NALF1: variants seen among roughly 807,000 people sequenced by gnomAD.
NALF1 encodes family with sequence similarity 155 member A.
In NALF1, 3 loss-of-function variants were observed where a neutral mutation model predicts 48.4. The observed-to-expected ratio is 0.06, with a 90% CI of 0.03 to 0.16. The LOEUF is 0.16. Among genes scored for constraint, NALF1 ranks in the 10% least tolerant of loss-of-function variants. NALF1 has a pLI of 1.00. For missense variants in NALF1, 526 were observed against 571.5 expected (o/e 0.92, Z 0.81); for synonymous variants, 262 against 245.7 (o/e 1.07, Z -0.62).
chr13:107,482,282 G>A (rs1885265706), intron 1 of NALF1, among the ~76,000 whole-genome samples: 1 of 152,042 alleles, frequency 6.6e-6, no homozygotes, highest in Non-Finnish European at 1.5e-5. Flanking sequence ...TGCAGATTGA[G>A]GACTTGCCCA....
chr13:107,754,926 G>GTT (rs1262676992), intron 1 of NALF1, among the ~76,000 whole-genome samples: 1 of 152,044 alleles, frequency 6.6e-6, no homozygotes, highest in East Asian at 1.9e-4. Flanking sequence ...TTCTTTTCAT[G>GTT]TTTTCCTCGA....
chr13:107,399,462 A>ACACG (rs1051956828), intron 1 of NALF1, among the ~76,000 whole-genome samples: 99 of 152,066 alleles, frequency 6.5e-4, no homozygotes, highest in African/African-American at 2.2e-3. Context: ...ACGTACACAC[A>ACACG]CACACAGCAT....
At chr13:107,529,962 T>A (rs1876572305) in intron 1 of NALF1, among the ~76,000 whole-genome samples, 1 of 152,068 alleles carries the variant, frequency 6.6e-6, no homozygotes, top group Admixed American at 6.6e-5. Context: ...TAAACTGCTA[T>A]TCTCAGCTTT....
At chr13:107,329,342 T>G (rs9520389) in intron 1 of NALF1, among the ~76,000 whole-genome samples, 54,908 of 151,928 alleles carry the variant, frequency 0.36, 10,097 homozygotes, top group Non-Finnish European at 0.4. Flanking sequence ...ATAACAAATG[T>G]TGTGAAAGGA....
chr13:107,614,137 A>G (rs1446350153), intron 1 of NALF1, among the ~76,000 whole-genome samples: 1 of 152,224 alleles, frequency 6.6e-6, no homozygotes, highest in Non-Finnish European at 1.5e-5. Flanking sequence ...GAGTATGGGC[A>G]TAGGGATGAG....
At chr13:107,365,539 T>C (rs988842510) in intron 1 of NALF1, among the ~76,000 whole-genome samples, 18 of 152,290 alleles carry the variant, frequency 1.2e-4, no homozygotes, top group African/African-American at 4.1e-4. Flanking sequence ...GAACAACACA[T>C]GTATGGATAT....
chr13:107,306,352 G>C (rs1473923089), intron 1 of NALF1, among the ~76,000 whole-genome samples: 1 of 152,134 alleles, frequency 6.6e-6, no homozygotes, highest in Non-Finnish European at 1.5e-5. Flanking sequence ...GGATTGTATA[G>C]CAACAGTCAA....
At chr13:107,855,432 T>C (rs1880420334) in intron 1 of NALF1, among the ~76,000 whole-genome samples, 1 of 152,246 alleles carries the variant, frequency 6.6e-6, no homozygotes, top group Non-Finnish European at 1.5e-5. Flanking sequence ...ACAATTCTTC[T>C]TCCAATGTGG....
At chr13:107,373,540 A>G (rs4338650) in intron 1 of NALF1, among the ~76,000 whole-genome samples, 85,640 of 151,568 alleles carry the variant, frequency 0.57, 24,817 homozygotes, top group East Asian at 0.74. Flanking sequence ...GGTGGAGCCC[A>G]AAAGGGGCCA....
At position 107,290,325 on chromosome 13, in the gene NALF1, GA is replaced by G. The variant is rs1174033754; in HGVS notation, c.916-79571del. On this transcript the variant is annotated intron_variant, in intron 1 of 2. Coordinates refer to ENST00000375915, the MANE Select transcript of NALF1 (RefSeq NM_001080396.3). ...CCTTCCAAAATAGGAATAAAGGGAG[GA>G]AAAAAGATGTCGATACGGTTTGGCT... Among the ~76,000 whole-genome samples, 3 of 152,012 alleles carry G rather than the reference GA, an allele frequency of 2.0e-5. No individual in the cohort carries two copies. The South Asian group carries it at 6.2e-4, about 31-fold the overall frequency.
chr13:107,715,051 A>C (rs1043459187), intron 1 of NALF1, among the ~76,000 whole-genome samples: 21 of 152,156 alleles, frequency 1.4e-4, no homozygotes, highest in African/African-American at 4.3e-4. Flanking sequence ...TTATGGGATG[A>C]ATGTGATGTT....
intron 1 of NALF1, among the ~76,000 whole-genome samples, chr13:107,364,628 G>C (rs1213016889): frequency 1.3e-5 from 2 of 152,180 alleles, no homozygotes; most frequent in African/African-American, 2.4e-5. Context: ...AATACACCAT[G>C]TGTTATAGAA....
intron 1 of NALF1, among the ~76,000 whole-genome samples, chr13:107,689,002 A>T (rs148209473): frequency 2.6e-5 from 4 of 152,320 alleles, no homozygotes; most frequent in African/African-American, 9.6e-5. Context: ...AATGGCACGG[A>T]ACAAAGAGAC....
intron 1 of NALF1, among the ~76,000 whole-genome samples, chr13:107,609,882 ATG>A (rs1461395481): frequency 2.6e-5 from 4 of 152,304 alleles, no homozygotes; most frequent in South Asian, 4.1e-4. Context: ...GCATATACAT[ATG>A]TGTGTGTGTT....
At position 107,186,016 on chromosome 13, in the gene NALF1, C is replaced by T. The variant is rs140816089; in HGVS notation, c.1088-15230G>A. ...AAATTACATGCTGTTCTGAGTAGTG[C>T]GAAAAAAGATCTTATGCCATCCTGC... On this transcript the variant is annotated intron_variant, in intron 2 of 2. Coordinates refer to ENST00000375915, the MANE Select transcript of NALF1 (RefSeq NM_001080396.3). Among the ~76,000 whole-genome samples, 438 of 152,160 alleles carry T rather than the reference C, an allele frequency of 2.9e-3. 1 individual carries two copies. Among genetic ancestry groups the T allele is most frequent in the African/African-American group, 0.01 (420 of 41,516 alleles).
At position 107,164,935 on chromosome 13, in the gene NALF1, G is replaced by A. The variant is rs986879279; in HGVS notation, c.*5562C>T. The A allele has an allele frequency of 2.0e-5, 3 of 152,108 alleles. No individual in the cohort carries two copies. The highest frequency in any genetic ancestry group is 7.2e-5 in the African/African-American group (3 of 41,420). 9.4% of individuals were successfully genotyped at this position (152,108 alleles called of 1,614,324 possible). On this transcript the variant is annotated 3_prime_UTR_variant, in exon 3 of 3. Coordinates refer to ENST00000375915, the MANE Select transcript of NALF1 (RefSeq NM_001080396.3). ...GATAACTAACTACTACTGAGCACCT[G>A]TTTTGTCCAGGCACATTTATATTAC...
chr13:107,605,301 T>C (rs1035433212), intron 1 of NALF1, among the ~76,000 whole-genome samples: 10 of 152,184 alleles, frequency 6.6e-5, no homozygotes, highest in African/African-American at 2.4e-4. Context: ...GCTATTACTG[T>C]TCATGGCATT....
intron 1 of NALF1, among the ~76,000 whole-genome samples, chr13:107,406,812 C>T (rs1883908033): frequency 6.6e-6 from 1 of 151,748 alleles, no homozygotes; most frequent in Non-Finnish European, 1.5e-5. Context: ...ATAAACAAAG[C>T]TATCATAAGC....
At chr13:107,452,706 C>A (rs549531875) in intron 1 of NALF1, among the ~76,000 whole-genome samples, 3 of 152,296 alleles carry the variant, frequency 2.0e-5, no homozygotes, top group East Asian at 1.9e-4. Flanking sequence ...AACTGTCCCC[C>A]AAATTCTTAA....
Sources: allele counts gnomAD v4.1 joint callset (sites outside exome capture counted in the v4.1 genomes callset), GRCh38; gene constraint gnomAD v4.1.1; transcripts MANE v1.5; gene names NCBI Gene and HGNC (gene_info 2026-07-23, HGNC 2026-07-21).